The following PTPRD variants were observed in gnomAD, a reference collection of about 807,000 sequenced individuals.
PTPRD encodes the protein protein tyrosine phosphatase receptor type D, also known as receptor-type tyrosine-protein phosphatase delta.
In PTPRD, 34 loss-of-function variants were observed where a neutral mutation model predicts 214.5. The ratio of observed to expected loss-of-function variants is 0.16; its 90% CI spans 0.12 to 0.21. The LOEUF is 0.21. Ranked by LOEUF, PTPRD falls within the 10% of genes least tolerant of loss-of-function variation. The pLI is 1.00. For synonymous variants in PTPRD, 1,128 were observed against 845.7 expected, an observed-to-expected ratio of 1.33 and a Z score of -5.79; for missense variants, 2,545 against 2,398.7, an observed-to-expected ratio of 1.06 and a Z score of -1.27.
At chr9:8,381,800 A>T (rs1467999498) in intron 37 of PTPRD, among the ~76,000 whole-genome samples, 1 of 152,210 alleles carries the variant, frequency 6.6e-6, no homozygotes, top group African/African-American at 2.4e-5. Context: ...GTCTGCCAGA[A>T]GTTGACATAG....
At chr9:10,361,049 C>A (rs35814791) in intron 2 of PTPRD, among the ~76,000 whole-genome samples, 4,957 of 152,246 alleles carry the variant, frequency 0.033, 140 homozygotes, top group Middle Eastern at 0.065. Flanking sequence ...TTGTAGTGAG[C>A]CGAGATGGAG....
chr9:10,486,999 T>C (rs922207941), intron 2 of PTPRD, among the ~76,000 whole-genome samples: 8 of 152,194 alleles, frequency 5.3e-5, no homozygotes, highest in African/African-American at 1.9e-4. Flanking sequence ...GTTGGATGCA[T>C]ACATACTTAA....
intron 11 of PTPRD, among the ~76,000 whole-genome samples, chr9:9,010,621 C>T (rs1399471306): frequency 6.6e-6 from 1 of 152,136 alleles, no homozygotes; most frequent in African/African-American, 2.4e-5. Context: ...TGGCCCTCTT[C>T]AACAGTGCAG....
intron 2 of PTPRD, among the ~76,000 whole-genome samples, chr9:10,514,617 G>T (rs1177791786): frequency 1.2e-4 from 18 of 151,598 alleles, no homozygotes; most frequent in Admixed American, 1.1e-3. Flanking sequence ...AACTTTTCAA[G>T]AACTTTTATT....
At chr9:10,076,813 A>G (rs2098138797) in intron 3 of PTPRD, among the ~76,000 whole-genome samples, 1 of 152,154 alleles carries the variant, frequency 6.6e-6, no homozygotes, top group Non-Finnish European at 1.5e-5. Flanking sequence ...CCTTCCTCAC[A>G]GCTAAATAAA....
chr9:9,217,342 T>C (rs528966694), intron 9 of PTPRD, among the ~76,000 whole-genome samples: 31 of 152,306 alleles, frequency 2.0e-4, no homozygotes, highest in African/African-American at 7.2e-4. Context: ...GTGTTTTATA[T>C]GGGCTACAAA....
In PTPRD at chr9:10,282,223, T is replaced by G. The variant is rs138324468; in HGVS notation, c.-545+58740A>C. Among the ~76,000 whole-genome samples the G allele has an allele frequency of 1.5e-3, 225 of 152,278 alleles. 3 individuals are homozygous for G. Among genetic ancestry groups the G allele is most frequent in the African/African-American group, 5.0e-3 (210 of 41,586 alleles). ...TATCCTTTGCTCTCTAAAATGGGAA[T>G]GATAACAATAACCTTATAGGATTAG... On this transcript the variant is annotated intron_variant, in intron 3 of 45. Transcript: ENST00000381196.
At chr9:9,629,147 C>T (rs977140924) in intron 7 of PTPRD, among the ~76,000 whole-genome samples, 1 of 150,812 alleles carries the variant, frequency 6.6e-6, no homozygotes, top group Admixed American at 6.6e-5. Flanking sequence ...GCACTCCAGC[C>T]TGGGTGACAG....
At chr9:9,842,927 A>G (rs565144544) in intron 5 of PTPRD, among the ~76,000 whole-genome samples, 2 of 152,218 alleles carry the variant, frequency 1.3e-5, no homozygotes, top group African/African-American at 4.8e-5. Flanking sequence ...TACTCATGTA[A>G]AACTTTCTAT....
chr9:9,557,604 T>C (rs895122530), intron 8 of PTPRD, among the ~76,000 whole-genome samples: 2 of 152,192 alleles, frequency 1.3e-5, no homozygotes, highest in Non-Finnish European at 1.5e-5. Context: ...ACTAATACCA[T>C]CCATTCTTTC....
chr9:9,238,784 G>C (rs1431323842), intron 9 of PTPRD, among the ~76,000 whole-genome samples: 1 of 152,098 alleles, frequency 6.6e-6, no homozygotes, highest in Non-Finnish European at 1.5e-5. Flanking sequence ...TTCATTTTGA[G>C]AGACCCAAGA....
intron 7 of PTPRD, among the ~76,000 whole-genome samples, chr9:9,641,239 A>G (rs968030191): frequency 2.0e-5 from 3 of 152,210 alleles, no homozygotes; most frequent in African/African-American, 2.4e-5. Flanking sequence ...TGGCAAGGAA[A>G]TATCAGGTAA....
At chr9:10,236,671 G>C (rs976068437) in intron 3 of PTPRD, among the ~76,000 whole-genome samples, 1 of 151,720 alleles carries the variant, frequency 6.6e-6, no homozygotes, top group Non-Finnish European at 1.5e-5. Context: ...TAGGCATTTA[G>C]GATATATTGA....
intron 11 of PTPRD, among the ~76,000 whole-genome samples, chr9:8,786,033 T>TTCTG (rs148848994): frequency 0.071 from 10,133 of 143,274 alleles, 445 homozygotes; most frequent in Non-Finnish European, 0.097. Context: ...GCTTAATTTG[T>TTCTG]TGTGTGTGTG....
chr9:9,960,463 G>C (rs2382086), intron 4 of PTPRD, among the ~76,000 whole-genome samples: 8,602 of 152,138 alleles, frequency 0.057, 626 homozygotes, highest in East Asian at 0.28. Flanking sequence ...AGTATGGAAA[G>C]GGGGGACAGG....
chr9:9,810,358 G>C (rs1483396715), intron 5 of PTPRD, among the ~76,000 whole-genome samples: 6 of 152,044 alleles, frequency 3.9e-5, no homozygotes, highest in African/African-American at 1.4e-4. Context: ...CAAAAAAGGA[G>C]ACGTCAATAC....
intron 7 of PTPRD, among the ~76,000 whole-genome samples, chr9:9,666,250 C>T (rs2096719596): frequency 6.6e-6 from 1 of 151,894 alleles, no homozygotes; most frequent in African/African-American, 2.4e-5. Context: ...AACATTTATA[C>T]ACTGGTATCC....
intron 11 of PTPRD, among the ~76,000 whole-genome samples, chr9:8,921,718 T>C (rs2098829170): frequency 6.6e-6 from 1 of 152,104 alleles, no homozygotes; most frequent in Admixed American, 6.6e-5. Context: ...AGTCTCGAAC[T>C]CCCGACCTCA....
At chr9:9,236,663 T>C (rs1369474873) in intron 9 of PTPRD, among the ~76,000 whole-genome samples, 1 of 151,674 alleles carries the variant, frequency 6.6e-6, no homozygotes, top group Non-Finnish European at 1.5e-5. Flanking sequence ...TGTCAATTCA[T>C]TTGTGGTCCT....
Sources: allele counts gnomAD v4.1 joint callset (sites outside exome capture counted in the v4.1 genomes callset), GRCh38; gene constraint gnomAD v4.1.1; transcripts MANE v1.5; gene names NCBI Gene and HGNC (gene_info 2026-07-23, HGNC 2026-07-21).